The following FHOD3 variants were observed in gnomAD, a reference collection of about 807,000 sequenced individuals.
The protein encoded by FHOD3 is FH1/FH2 domain-containing protein 3.
FHOD3 carries 90 observed loss-of-function variants against 173.0 expected under a neutral mutation model. The ratio of observed to expected loss-of-function variants is 0.52; its 90% CI spans 0.44 to 0.62. The LOEUF (loss-of-function observed/expected upper bound fraction) is 0.62, where lower values mean the gene tolerates loss of function less well. FHOD3 is among the 20% of genes least tolerant of loss of function. The probability of loss-of-function intolerance (pLI) is 0.00; values close to 1 mark genes in which losing one functional copy is unlikely to be tolerated. For missense variants in FHOD3, 1,945 were observed against 2,034.7 expected (o/e 0.96, Z 0.85); for synonymous variants, 828 against 823.0 (o/e 1.01, Z -0.10).
At chr18:36,358,427 C>A (rs532463471) in intron 2 of FHOD3, among the ~76,000 whole-genome samples, 1 of 152,322 alleles carries the variant, frequency 6.6e-6, no homozygotes, top group East Asian at 1.9e-4. Flanking sequence ...GGGCATCCTG[C>A]TATAAACTCC....
In FHOD3 at chr18:36,399,318, G is replaced by A. The variant is rs541232797; in HGVS notation, c.337+26574G>A. Among the ~76,000 whole-genome samples the A allele has an allele frequency of 2.0e-4, 31 of 152,314 alleles. No homozygotes were observed. The South Asian group carries it at 5.2e-3, about 25-fold the overall frequency. On this transcript the variant is annotated intron_variant, in intron 3 of 28. Transcript: ENST00000590592. Reference sequence around the variant, plus strand: ...GACTCATTATTTCAGCTCTGAACACGGCCATGCAAGGCCTTGCCCTTCCCA... The same window carrying A: ...GACTCATTATTTCAGCTCTGAACACAGCCATGCAAGGCCTTGCCCTTCCCA...
intron 11 of FHOD3, among the ~76,000 whole-genome samples, chr18:36,649,852 A>G (rs970417170): frequency 6.6e-6 from 1 of 152,204 alleles, no homozygotes; most frequent in Non-Finnish European, 1.5e-5. Context: ...TTAATGATTC[A>G]GGTTTGTTTT....
chr18:36,619,144 G>A (rs1222160311), intron 9 of FHOD3, among the ~76,000 whole-genome samples: 2 of 152,066 alleles, frequency 1.3e-5, no homozygotes, highest in Non-Finnish European at 2.9e-5. Context: ...CACTATATGT[G>A]ACATATTCTG....
Position 36,780,114 on chromosome 18 carries a change from C to A in FHOD3, c.*584C>A. ...ACCTTAAACAGTTCCACAGGCTCGC[C>A]TCTTCAGAATGGCAAAACTCTTCTC... On this transcript the variant is annotated 3_prime_UTR_variant, in exon 29 of 29. Coordinates refer to ENST00000590592, the MANE Select transcript of FHOD3 (RefSeq NM_001281740.3). 1 of 1,231,908 alleles carries A rather than the reference C, an allele frequency of 8.1e-7. No homozygotes were observed. Among genetic ancestry groups the A allele is most frequent in the Non-Finnish European group, 1.0e-6 (1 of 987,820 alleles). 76.3% of individuals were successfully genotyped at this position (1,231,908 alleles called of 1,614,324 possible). A position where few individuals can be genotyped will look rare whatever the true frequency, so the allele number is the denominator to read the frequency against.
intron 8 of FHOD3, among the ~76,000 whole-genome samples, chr18:36,604,194 T>C (rs2093241937): frequency 6.6e-6 from 1 of 151,986 alleles, no homozygotes; most frequent in African/African-American, 2.4e-5. Context: ...AGCCACCCCA[T>C]GGGCCTTCCT....
At chr18:36,544,031 T>C (rs943831534) in intron 5 of FHOD3, among the ~76,000 whole-genome samples, 4 of 152,220 alleles carry the variant, frequency 2.6e-5, no homozygotes, top group African/African-American at 7.2e-5. Flanking sequence ...TAACATCTTA[T>C]ATAGGCTTCT....
chr18:36,557,922 A>C (rs2057952204), intron 5 of FHOD3, among the ~76,000 whole-genome samples: 1 of 152,238 alleles, frequency 6.6e-6, no homozygotes. Flanking sequence ...AGAAGCATTG[A>C]ATCTAGGGCT....
chr18:36,464,785 G>C (rs1220797152), intron 3 of FHOD3, among the ~76,000 whole-genome samples: 6 of 151,924 alleles, frequency 3.9e-5, no homozygotes, highest in Non-Finnish European at 8.8e-5. Context: ...GGTTTCAGAG[G>C]AAATAAGAAC....
chr18:36,337,495 C>T (rs996023477), intron 1 of FHOD3, among the ~76,000 whole-genome samples: 3 of 152,156 alleles, frequency 2.0e-5, no homozygotes, highest in Admixed American at 6.5e-5. Context: ...TGTGACATTA[C>T]AAATGGCAGC....
chr18:36,373,522 G>C (rs539356619), intron 3 of FHOD3, among the ~76,000 whole-genome samples: 1 of 152,304 alleles, frequency 6.6e-6, no homozygotes, highest in African/African-American at 2.4e-5. Flanking sequence ...TGGAGACCCA[G>C]GGATGGGGAG....
chr18:36,393,207 C>T (rs76950289), intron 3 of FHOD3, among the ~76,000 whole-genome samples: 2,026 of 152,334 alleles, frequency 0.013, 32 homozygotes, highest in African/African-American at 0.046. Context: ...GTTAAACAAA[C>T]GTAATGGCGA....
At chr18:36,494,177 A>C (rs2054616797) in intron 3 of FHOD3, among the ~76,000 whole-genome samples, 1 of 152,160 alleles carries the variant, frequency 6.6e-6, no homozygotes, top group African/African-American at 2.4e-5. Flanking sequence ...AACAGGAAGC[A>C]TAGCACCCCT....
intron 26 of FHOD3, 70 bp downstream of exon 26, chr18:36,759,211 A>G (rs2042765394): frequency 3.4e-6 from 5 of 1,452,228 alleles, no homozygotes; most frequent in South Asian, 1.2e-5. Flanking sequence ...CTAACCTAAC[A>G]TAATCAGCAT....
At chr18:36,483,752 C>T (rs1333965363) in intron 3 of FHOD3, among the ~76,000 whole-genome samples, 1 of 152,204 alleles carries the variant, frequency 6.6e-6, no homozygotes, top group Admixed American at 6.5e-5. Flanking sequence ...TCATACATTT[C>T]GCCATCGGAG....
chr18:36,635,495 G>T (rs570985016), intron 10 of FHOD3, among the ~76,000 whole-genome samples: 1 of 152,174 alleles, frequency 6.6e-6, no homozygotes, highest in South Asian at 2.1e-4. Flanking sequence ...CAGGGCTTTC[G>T]CTGGTCCAGG....
intron 27 of FHOD3, among the ~76,000 whole-genome samples, chr18:36,763,101 A>C (rs1400754944): frequency 1.3e-5 from 2 of 148,212 alleles, no homozygotes; most frequent in Admixed American, 1.4e-4. Flanking sequence ...TATGCGTATT[A>C]TACACGTTAT....
At chr18:36,775,800 G>A (rs763492766) in intron 28 of FHOD3, among the ~76,000 whole-genome samples, 6 of 152,244 alleles carry the variant, frequency 3.9e-5, no homozygotes, top group Non-Finnish European at 7.3e-5. Context: ...CTTTGACACC[G>A]TGAGAACTGT....
intron 3 of FHOD3, among the ~76,000 whole-genome samples, chr18:36,397,773 T>C (rs1318109823): frequency 6.6e-6 from 1 of 152,134 alleles, no homozygotes; most frequent in Non-Finnish European, 1.5e-5. Context: ...ATTAGAAGAC[T>C]AGGGGTCCGC....
intron 3 of FHOD3, among the ~76,000 whole-genome samples, chr18:36,481,054 G>A (rs1385039363): frequency 1.6e-5 from 2 of 127,512 alleles, no homozygotes; most frequent in Non-Finnish European, 3.1e-5. Context: ...CGTTTAAAGA[G>A]CATAACTCAT....
Sources: gnomAD v4.1 joint callset for allele counts (sites outside exome capture counted in the v4.1 genomes callset) on GRCh38, gnomAD v4.1.1 for gene constraint, MANE v1.5 for transcripts, NCBI Gene and HGNC (gene_info 2026-07-23, HGNC 2026-07-21) for gene names.